Variants in MAP4 observed in about 807,000 individuals in gnomAD.
MAP4 encodes the protein microtubule-associated protein 4.
A neutral mutation model predicts 170.2 loss-of-function variants in MAP4; 76 were observed. That is an observed-to-expected ratio of 0.45 (90% CI 0.37 to 0.54). MAP4 has a LOEUF of 0.54. Ranked by LOEUF, MAP4 falls within the 20% of genes least tolerant of loss-of-function variation. The probability of loss-of-function intolerance (pLI) is 0.00; values close to 1 mark genes in which losing one functional copy is unlikely to be tolerated. For synonymous variants in MAP4, 909 were observed against 994.5 expected, an observed-to-expected ratio of 0.91 and a Z score of 1.62; for missense variants, 2,506 against 2,748.0, an observed-to-expected ratio of 0.91 and a Z score of 1.97.
intron 1 of MAP4, among the ~76,000 whole-genome samples, chr3:48,045,305 C>A (rs1432513739): frequency 2.7e-5 from 4 of 149,922 alleles, no homozygotes; most frequent in Non-Finnish European, 5.9e-5. Flanking sequence ...AAAACTCTGT[C>A]AGTTATAATT....
intron 1 of MAP4, among the ~76,000 whole-genome samples, chr3:48,042,025 T>A (rs1392466624): frequency 6.6e-6 from 1 of 152,204 alleles, no homozygotes; most frequent in Non-Finnish European, 1.5e-5. Flanking sequence ...TTTATGTGTA[T>A]CCTTTAAAAT....
chr3:47,932,217 A>G (rs1170274349), intron 3 of MAP4, among the ~76,000 whole-genome samples: 1 of 152,228 alleles, frequency 6.6e-6, no homozygotes, highest in African/African-American at 2.4e-5. Flanking sequence ...TTCATTTAGC[A>G]CAATGTTTTC....
intron 3 of MAP4, among the ~76,000 whole-genome samples, chr3:47,963,409 C>CT (rs1187176603): frequency 1.3e-5 from 2 of 152,162 alleles, no homozygotes; most frequent in East Asian, 3.8e-4. Flanking sequence ...TAGAGCTCTC[C>CT]TTTTACACAG....
chr3:48,030,833 T>C (rs1272145647), intron 1 of MAP4, among the ~76,000 whole-genome samples: 1 of 114,444 alleles, frequency 8.7e-6, no homozygotes, highest in Non-Finnish European at 1.9e-5. Context: ...AAGATAGGGG[T>C]AACTCAATTA....
chr3:47,935,908 C>T (rs2100052484), intron 3 of MAP4, among the ~76,000 whole-genome samples: 1 of 138,192 alleles, frequency 7.2e-6, no homozygotes, highest in Non-Finnish European at 1.5e-5. Flanking sequence ...AACTGCACTC[C>T]AGCTGCAGTG....
intron 9 of MAP4, among the ~76,000 whole-genome samples, chr3:47,905,643 T>G (rs2100032546): frequency 1.3e-5 from 2 of 151,802 alleles, no homozygotes; most frequent in Non-Finnish European, 2.9e-5. Context: ...TTTCATAATT[T>G]CAGAGCATGG....
chr3:48,023,550 C>T (rs1195224452), intron 1 of MAP4, among the ~76,000 whole-genome samples: 1 of 152,192 alleles, frequency 6.6e-6, no homozygotes, highest in Non-Finnish European at 1.5e-5. Flanking sequence ...TGCCTGCTCA[C>T]TGGAATGTGT....
chr3:47,863,937 T>TGTGTGGGGG (rs374208589), intron 17 of MAP4, among the ~76,000 whole-genome samples: 1 of 138,354 alleles, frequency 7.2e-6, no homozygotes, highest in Non-Finnish European at 1.6e-5. Flanking sequence ...TGTGTGTGTG[T>TGTGTGGGGG]GGGGAGTGGT....
chr3:47,858,391 CCT>C (rs762045929), intron 17 of MAP4, among the ~76,000 whole-genome samples: 11 of 152,070 alleles, frequency 7.2e-5, no homozygotes, highest in Non-Finnish European at 1.5e-4. Context: ...CTGTGCAGAC[CCT>C]GTCCATGCAT....
intron 1 of MAP4, among the ~76,000 whole-genome samples, chr3:48,029,037 T>A (rs1186752901): frequency 6.6e-6 from 1 of 151,746 alleles, no homozygotes; most frequent in South Asian, 2.1e-4. Context: ...TCCCAGCTAC[T>A]TGGGAGGCTG....
upstream of MAP4, among the ~76,000 whole-genome samples, chr3:48,018,905 C>T (rs1212144822): frequency 1.3e-5 from 2 of 152,160 alleles, no homozygotes; most frequent in Non-Finnish European, 2.9e-5. Context: ...GAAAGAAAGC[C>T]AGTAAGGAGT....
intron 2 of MAP4, among the ~76,000 whole-genome samples, chr3:47,983,855 A>G (rs1057468056): frequency 6.6e-6 from 1 of 152,062 alleles, no homozygotes; most frequent in African/African-American, 2.4e-5. Flanking sequence ...TACTTTATTT[A>G]TTTTGTTGCT....
intron 3 of MAP4, among the ~76,000 whole-genome samples, chr3:47,958,575 G>A (rs2100069266): frequency 6.6e-6 from 1 of 152,054 alleles, no homozygotes; most frequent in Non-Finnish European, 1.5e-5. Context: ...GGAGTGCAGT[G>A]GTGCGATCTT....
chr3:48,081,115 C>G (rs2100146448), intron 1 of MAP4, among the ~76,000 whole-genome samples: 2 of 152,006 alleles, frequency 1.3e-5, no homozygotes, highest in East Asian at 3.9e-4. Flanking sequence ...CAGAGCGAGA[C>G]TCCATCTCAA....
chr3:48,050,187 G>C (rs2100126900), intron 1 of MAP4, among the ~76,000 whole-genome samples: 1 of 150,944 alleles, frequency 6.6e-6, no homozygotes, highest in African/African-American at 2.4e-5. Flanking sequence ...TTGAACCCGG[G>C]AGCCAGAGAT....
chr3:48,071,285 T>C (rs967523746), intron 1 of MAP4, among the ~76,000 whole-genome samples: 4 of 151,844 alleles, frequency 2.6e-5, no homozygotes, highest in Admixed American at 6.6e-5. Context: ...CTCACAGCTG[T>C]AATCCCAGAA....
At chr3:47,856,453 GT>G (rs1305780327) in intron 18 of MAP4, among the ~76,000 whole-genome samples, 179 of 147,386 alleles carry the variant, frequency 1.2e-3, no homozygotes, top group African/African-American at 3.6e-3. Context: ...GGGAAAGGGA[GT>G]TTTTTTTTTT....
chr3:48,081,175 AG>A (rs1317290975), intron 1 of MAP4, among the ~76,000 whole-genome samples: 1 of 152,080 alleles, frequency 6.6e-6, no homozygotes, highest in Non-Finnish European at 1.5e-5. Context: ...CTGTAGTCCC[AG>A]CTACTCAGGA....
intron 2 of MAP4, among the ~76,000 whole-genome samples, chr3:47,992,822 T>TG (rs2100093153): frequency 1.3e-5 from 2 of 151,102 alleles, no homozygotes; most frequent in South Asian, 4.2e-4. Context: ...GAGAATCTCT[T>TG]GAACACAGGA....
Sources: allele counts gnomAD v4.1 joint callset (sites outside exome capture counted in the v4.1 genomes callset), GRCh38; gene constraint gnomAD v4.1.1; transcripts MANE v1.5; gene names NCBI Gene and HGNC (gene_info 2026-07-23, HGNC 2026-07-21).